The following EDEM2 variants were observed in gnomAD, a reference collection of about 807,000 sequenced individuals.
The protein encoded by EDEM2 is ER degradation-enhancing alpha-mannosidase-like protein 2.
A neutral mutation model predicts 64.8 loss-of-function variants in EDEM2; 39 were observed. The ratio of observed to expected loss-of-function variants is 0.60; its 90% CI spans 0.47 to 0.79. The LOEUF (loss-of-function observed/expected upper bound fraction) is 0.79. Ranked by LOEUF, EDEM2 falls within the 30% of genes least tolerant of loss-of-function variation. The probability of loss-of-function intolerance (pLI) is 0.00; values close to 1 mark genes in which losing one functional copy is unlikely to be tolerated. For missense variants in EDEM2, 609 were observed against 731.3 expected, an observed-to-expected ratio of 0.83 and a Z score of 1.93; for synonymous variants, 296 against 291.5, an observed-to-expected ratio of 1.02 and a Z score of -0.16.
At chr20:35,130,235 T>C (rs552789065) in intron 7 of EDEM2, among the ~76,000 whole-genome samples, 34 of 151,056 alleles carry the variant, frequency 2.3e-4, no homozygotes, top group African/African-American at 7.7e-4. Flanking sequence ...GCCCAGCAAA[T>C]TTTTTTTTAT....
rs745948213 is a variant in EDEM2, at chr20:35,115,590, G to C, written c.1580C>G (p.Pro527Arg). 1.2e-6 allele frequency: 2 copies of C among 1,614,128 alleles called. No individual in the cohort carries two copies. Among genetic ancestry groups the C allele is most frequent in the South Asian group, 2.2e-5 (2 of 91,070 alleles). ...GAAGAGTGTTCCTGGCCTTGCTGGA[G>C]GTTCCCATGGCCCCGAACTAACAGT... is the stretch of plus-strand genomic sequence containing the variant. ...KNTVSSGPWE[P>R]PARPGTLFSP... is the part of the protein sequence containing the mutation. The change falls in exon 11 of 11, where the codon CCT becomes CGT. Residue 527 changes from proline (P) to arginine (R), a missense_variant. Transcript: ENST00000374492.
At chr20:35,134,197 A>G (rs2085543771) in intron 6 of EDEM2, 1 of 452,556 alleles carries the variant, frequency 2.2e-6, no homozygotes, top group African/African-American at 2.0e-5. Flanking sequence ...TAAGTTTGGG[A>G]AATGTTAAAT....
At chr20:35,125,409 G>A (rs1450563652) in intron 8 of EDEM2, among the ~76,000 whole-genome samples, 4 of 151,502 alleles carry the variant, frequency 2.6e-5, no homozygotes, top group Non-Finnish European at 5.9e-5. Flanking sequence ...TTTTGAGACG[G>A]AGTCTTGCTC....
At chr20:35,126,181 C>G in intron 8 of EDEM2, 70 bp downstream of exon 8, 1 of 1,572,356 alleles carries the variant, frequency 6.4e-7, no homozygotes, top group South Asian at 1.2e-5. Flanking sequence ...CATTATTTGA[C>G]TTATACATCA....
chr20:35,125,362 A>AT (rs1311503779), intron 8 of EDEM2, among the ~76,000 whole-genome samples: 1 of 151,472 alleles, frequency 6.6e-6, no homozygotes, highest in Non-Finnish European at 1.5e-5. Flanking sequence ...CCCTAGGCTA[A>AT]TTTTTTATTT....
chr20:35,132,224 G>A (rs754916800), intron 6 of EDEM2, among the ~76,000 whole-genome samples: 18 of 152,096 alleles, frequency 1.2e-4, no homozygotes, highest in East Asian at 1.9e-4. Context: ...AGCTGACAGA[G>A]TGGTTCTAAG....
chr20:35,140,931 C>T lies in EDEM2; in HGVS notation c.364+1442G>A, dbSNP rs1302111768. Among the ~76,000 whole-genome samples the T allele has an allele frequency of 2.6e-5, 4 of 151,814 alleles. No homozygotes were observed. In the East Asian group the frequency reaches 7.7e-4, roughly 29 times the overall value. Reference sequence around the variant, plus strand: ...GGTCAGGAGTTCGAGACTAGCCTGGCCAACATGGTGAAACCCCATCTCTAC... The same window carrying T: ...GGTCAGGAGTTCGAGACTAGCCTGGTCAACATGGTGAAACCCCATCTCTAC... On this transcript the variant is annotated intron_variant, in intron 4 of 10. Transcript: ENST00000374492.
At chr20:35,144,343 T>A (rs2085699480) in intron 3 of EDEM2, among the ~76,000 whole-genome samples, 1 of 151,996 alleles carries the variant, frequency 6.6e-6, no homozygotes, top group African/African-American at 2.4e-5. Context: ...TTCTTTATAA[T>A]TTTTTTTGAG....
rs1013692614 is a variant in EDEM2, at chr20:35,123,376, T to C, written c.1114+514A>G. Among the ~76,000 whole-genome samples the C allele has an allele frequency of 4.6e-5, 7 of 152,276 alleles. No homozygotes were observed. In the East Asian group the frequency reaches 1.4e-3, roughly 29 times the overall value. ...GGGAGGCCAAGGTGGGCGGATCACCTGAGGCTGGGAGTTCAAGACCAGCCT... is the reference window on the plus strand; with the variant it reads ...GGGAGGCCAAGGTGGGCGGATCACCCGAGGCTGGGAGTTCAAGACCAGCCT... On this transcript the variant is annotated intron_variant, in intron 9 of 10. Coordinates refer to ENST00000374492, the MANE Select transcript of EDEM2 (RefSeq NM_018217.3).
Position 35,142,496 on chromosome 20 carries a change from A to G in EDEM2, c.259-18T>C, listed in dbSNP as rs370930437. On this transcript the variant is annotated intron_variant, in intron 3 of 10. Coordinates refer to ENST00000374492, the MANE Select transcript of EDEM2 (RefSeq NM_018217.3). The stretch of plus-strand genomic sequence containing the variant: ...CCCAAAATCTGGAAATAAAAAAGAG[A>G]CCTGACAATGAGGCTCTTACATGCA... 7 of 1,586,944 alleles carry G rather than the reference A, an allele frequency of 4.4e-6. No homozygotes were observed. The African/African-American group carries it at 5.4e-5, about 12-fold the overall frequency.
At chr20:35,121,675 C>T (rs770759568) in intron 9 of EDEM2, among the ~76,000 whole-genome samples, 5 of 152,228 alleles carry the variant, frequency 3.3e-5, no homozygotes, top group East Asian at 1.9e-4. Context: ...GAGACATATA[C>T]GAAAGTACAG....
chr20:35,119,521 A>T (rs2085345050), intron 9 of EDEM2, among the ~76,000 whole-genome samples: 1 of 152,182 alleles, frequency 6.6e-6, no homozygotes, highest in South Asian at 2.1e-4. Context: ...TGAGCCCAGG[A>T]GTTTGAGGCT....
At chr20:35,127,267 T>A (rs1483181815) in intron 7 of EDEM2, among the ~76,000 whole-genome samples, 1 of 152,234 alleles carries the variant, frequency 6.6e-6, no homozygotes, top group Non-Finnish European at 1.5e-5. Flanking sequence ...TGAGTACGTC[T>A]TTATCAGCAG....
intron 3 of EDEM2, among the ~76,000 whole-genome samples, 165 bp downstream of exon 3, chr20:35,144,814 T>A (rs530705933): frequency 6.6e-6 from 1 of 152,328 alleles, no homozygotes; most frequent in Non-Finnish European, 1.5e-5. Flanking sequence ...AGTTCGTTTT[T>A]CCCCTATCTA....
Position 35,126,298 on chromosome 20 carries a change from A to T in EDEM2, c.922T>A (p.Ser308Thr), listed in dbSNP as rs1410704898. ...LWVQMYKGTV[S>T]MPVFQSLEAY... is the part of the protein sequence containing the mutation. Reference sequence around the variant, plus strand: ...TCCAAGGACTGGAAGACTGGCATGGACACAGTCCCCTTGTACATCTGAACC... The same window carrying T: ...TCCAAGGACTGGAAGACTGGCATGGTCACAGTCCCCTTGTACATCTGAACC... Residue 308 changes from serine (S) to threonine (T), a missense_variant, in exon 8 of 11, where the codon TCC becomes ACC. Transcript: ENST00000374492. The T allele has an allele frequency of 6.2e-7, 1 of 1,614,098 alleles. No individual in the cohort carries two copies. The highest frequency in any genetic ancestry group is 1.1e-5 in the South Asian group (1 of 91,070).
rs767228356 is a variant in EDEM2 at position 35,137,847 on chromosome 20, T to G, written c.490+33A>C. 4.4e-6 allele frequency: 7 copies of G among 1,607,916 alleles called. No homozygotes were observed. The South Asian group carries it at 7.8e-5, about 18-fold the overall frequency. On this transcript the variant is annotated intron_variant, in intron 5 of 10. Coordinates refer to ENST00000374492, the MANE Select transcript of EDEM2 (RefSeq NM_018217.3). ...GCAAGGGAAGCAGGACCTACTGGAC[T>G]TCGTCTCTGCCCCATCTCTGTGTGG...
intron 8 of EDEM2, among the ~76,000 whole-genome samples, chr20:35,125,546 A>G (rs1021376455): frequency 3.3e-5 from 5 of 151,598 alleles, no homozygotes; most frequent in Admixed American, 6.6e-5. Flanking sequence ...CACCACGCCC[A>G]GCTAATTTTT....
At chr20:35,144,098 G>A (rs751666312) in intron 3 of EDEM2, among the ~76,000 whole-genome samples, 5 of 151,510 alleles carry the variant, frequency 3.3e-5, no homozygotes, top group Non-Finnish European at 5.9e-5. Context: ...TGGTAGAGAC[G>A]GGGTTTCACC....
In EDEM2 at chr20:35,123,984, G is replaced by C. The variant is rs773206850; in HGVS notation, c.1020C>G (p.Tyr340Ter). The stretch of plus-strand genomic sequence containing the variant: ...GCCCCCCAAACTGCTTCCATACAGT[G>C]TAGTAGTTGAGGAAGGTCCTCATGG... Reference protein sequence around the residue: ...DNAMRTFLNYYTVWKQFGGLP... With the variant: ...DNAMRTFLNY Residue 340 changes from tyrosine (Y) to a stop codon, truncating the protein, a stop_gained, in exon 9 of 11, where the codon TAC becomes TAG. Coordinates refer to ENST00000374492, the MANE Select transcript of EDEM2 (RefSeq NM_018217.3). LOFTEE classifies it high-confidence loss of function. The C allele has an allele frequency of 1.2e-6, 2 of 1,614,052 alleles. No homozygotes were observed. Among genetic ancestry groups the C allele is most frequent in the Non-Finnish European group, 1.7e-6 (2 of 1,179,998 alleles).
Sources: allele counts gnomAD v4.1 joint callset (sites outside exome capture counted in the v4.1 genomes callset), GRCh38; gene constraint gnomAD v4.1.1; transcripts MANE v1.5; gene names NCBI Gene and HGNC (gene_info 2026-07-23, HGNC 2026-07-21).